ZNF366: variants seen among roughly 807,000 people sequenced by gnomAD.
ZNF366 encodes zinc finger protein 366.
ZNF366 carries 20 observed loss-of-function variants against 47.2 expected under a neutral mutation model. The observed-to-expected ratio is 0.42, with a 90% CI of 0.30 to 0.62. The LOEUF (loss-of-function observed/expected upper bound fraction) is 0.62. ZNF366 is among the 20% of genes least tolerant of loss of function. ZNF366 has a pLI of 0.16. For synonymous variants in ZNF366, 421 were observed against 395.1 expected (o/e 1.07, Z -0.78); for missense variants, 987 against 976.3 (o/e 1.01, Z -0.15).
chr5:72,449,884 T>C (rs1044933278), intron 3 of ZNF366, among the ~76,000 whole-genome samples: 2 of 152,060 alleles, frequency 1.3e-5, no homozygotes, highest in Admixed American at 6.5e-5. Context: ...GGACAAGGCA[T>C]GTAGCGGGAG....
intron 1 of ZNF366, among the ~76,000 whole-genome samples, chr5:72,462,675 T>C (rs10474066): frequency 0.39 from 59,635 of 151,002 alleles, 11,944 homozygotes; most frequent in African/African-American, 0.47. Flanking sequence ...CTCAGCCTCC[T>C]GAGTAGCTGA....
intron 1 of ZNF366, among the ~76,000 whole-genome samples, chr5:72,462,553 T>TCTTTCTTTCTTTCTTTC (rs1476213047): frequency 4.1e-5 from 6 of 146,340 alleles, no homozygotes; most frequent in Non-Finnish European, 4.5e-5. Context: ...CTTTCTTTTT[T>TCTTTCTTTCTTTCTTTC]TTTTTTTTTG....
At chr5:72,451,983 A>G (rs1215074983) in intron 3 of ZNF366, among the ~76,000 whole-genome samples, 1 of 152,212 alleles carries the variant, frequency 6.6e-6, no homozygotes, top group Non-Finnish European at 1.5e-5. Flanking sequence ...GCTGACAGCC[A>G]TGGAGAAGTC....
At chr5:72,485,415 A>C (rs1220391478) in intron 1 of ZNF366, among the ~76,000 whole-genome samples, 3 of 152,160 alleles carry the variant, frequency 2.0e-5, no homozygotes, top group Non-Finnish European at 2.9e-5. Context: ...ACCTCTTCCC[A>C]GTTCACTAAT....
intron 1 of ZNF366, among the ~76,000 whole-genome samples, chr5:72,500,500 C>T (rs902912733): frequency 6.6e-6 from 1 of 152,116 alleles, no homozygotes; most frequent in Non-Finnish European, 1.5e-5. Flanking sequence ...ATAATACCCT[C>T]GCCCTTTCTG....
In ZNF366 at chr5:72,485,369, C is replaced by T. The variant is rs989110513; in HGVS notation, c.-15+21882G>A. 2.0e-5 allele frequency among the ~76,000 whole-genome samples: 3 copies of T among 152,218 alleles called. No individual in the cohort carries two copies. The East Asian group carries it at 5.8e-4, about 29-fold the overall frequency. On this transcript the variant is annotated intron_variant, in intron 1 of 4. Coordinates refer to ENST00000318442, the MANE Select transcript of ZNF366 (RefSeq NM_152625.3). ...GGAACAAAGGAAGAACAACTGGAAT[C>T]CTGCCTGCTCTAGCTGTGTCCCTTC...
intron 1 of ZNF366, among the ~76,000 whole-genome samples, chr5:72,475,143 A>G (rs1383629937): frequency 6.6e-6 from 1 of 152,196 alleles, no homozygotes; most frequent in Admixed American, 6.5e-5. Flanking sequence ...CAGAGTTACC[A>G]TCTTTGCTCT....
In ZNF366 at chr5:72,442,111, G is replaced by A. The variant is rs1193127539; in HGVS notation, c.*1645C>T. Reference sequence around the variant, plus strand: ...ATCATCTTCTAGTATAATGTAAAAAGTGTGTATCTATATATAGACTGTGTG... The same window carrying A: ...ATCATCTTCTAGTATAATGTAAAAAATGTGTATCTATATATAGACTGTGTG... On this transcript the variant is annotated 3_prime_UTR_variant, in exon 5 of 5. Transcript: ENST00000318442. 6.6e-6 allele frequency: 1 copy of A among 152,198 alleles called. No individual in the cohort carries two copies. The highest frequency in any genetic ancestry group is 1.5e-5 in the Non-Finnish European group (1 of 68,046). The allele number at this position is 152,198 out of a possible 1,614,324, so 9.4% of individuals were successfully genotyped here. A position where few individuals can be genotyped will look rare whatever the true frequency, so the allele number is the denominator to read the frequency against.
intron 1 of ZNF366, among the ~76,000 whole-genome samples, chr5:72,476,784 C>A (rs1324124602): frequency 6.6e-6 from 1 of 152,170 alleles, no homozygotes; most frequent in Non-Finnish European, 1.5e-5. Context: ...CATCAAGACC[C>A]TGCCCAGCCA....
rs1561194488 is a variant in ZNF366, at chr5:72,461,476, C to A, written c.21G>T (p.Met7Ile). The A allele has an allele frequency of 6.4e-7, 1 of 1,567,590 alleles. No homozygotes were observed. The highest frequency in any genetic ancestry group is 8.7e-7 in the Non-Finnish European group (1 of 1,154,536). Residue 7 changes from methionine to isoleucine, a missense_variant, in exon 2 of 5, where the codon ATG becomes ATT. Met to Ile is a conservative substitution (Grantham distance 10, BLOSUM62 1). Around this residue, in one of 3 missense-constraint regions of ZNF366, gnomAD observed 591 missense variants for 560.9 expected, o/e 1.05. Coordinates refer to ENST00000318442, the MANE Select transcript of ZNF366 (RefSeq NM_152625.3). MQKEMK[M>I]IKDEDVHFDL... is the part of the protein sequence containing the mutation. ...CGAAATGCACATCCTCGTCTTTGAT[C>A]ATCTTCATTTCCTTCTGCATCCTTG... is the stretch of plus-strand genomic sequence containing the variant.
chr5:72,455,650 G>T (rs1306320254), intron 3 of ZNF366, among the ~76,000 whole-genome samples: 1 of 152,150 alleles, frequency 6.6e-6, no homozygotes, highest in Admixed American at 6.5e-5. Flanking sequence ...AGTAATGCCC[G>T]TCAGCGCCTT....
intron 1 of ZNF366, among the ~76,000 whole-genome samples, chr5:72,482,746 TTGTGTGTGTGTGTGTGTGTG>T: frequency 7.1e-6 from 1 of 141,080 alleles, no homozygotes; most frequent in African/African-American, 2.7e-5. Context: ...CATTTCTATT[TTGTGTGTGTGTGTGTGTGTG>T]TGTGTGTGTG....
chr5:72,467,049 T>C (rs553849277), intron 1 of ZNF366, among the ~76,000 whole-genome samples: 1 of 152,322 alleles, frequency 6.6e-6, no homozygotes, highest in Admixed American at 6.5e-5. Flanking sequence ...CAAGAATGGG[T>C]AGTCACCCTT....
chr5:72,491,671 G>A (rs1744012782), intron 1 of ZNF366, among the ~76,000 whole-genome samples: 3 of 152,076 alleles, frequency 2.0e-5, no homozygotes, highest in Admixed American at 2.0e-4. Flanking sequence ...TTAATAAATG[G>A]CAATTATACT....
intron 1 of ZNF366, among the ~76,000 whole-genome samples, chr5:72,466,799 G>C (rs77321475): frequency 0.013 from 2,008 of 152,326 alleles, 38 homozygotes; most frequent in African/African-American, 0.046. Flanking sequence ...GTTATGAAAA[G>C]AACTTGATAC....
intron 1 of ZNF366, among the ~76,000 whole-genome samples, chr5:72,499,148 C>T (rs2112356903): frequency 6.6e-6 from 1 of 152,288 alleles, no homozygotes; most frequent in East Asian, 1.9e-4. Context: ...CACAAACATC[C>T]CCATTTAGAT....
intron 1 of ZNF366, among the ~76,000 whole-genome samples, chr5:72,473,302 T>C (rs1743607440): frequency 6.6e-6 from 1 of 152,214 alleles, no homozygotes; most frequent in Admixed American, 6.5e-5. Flanking sequence ...GGAGCTCCTG[T>C]ACCCACTTGG....
chr5:72,443,916 T>C lies in ZNF366; in HGVS notation c.2075A>G (p.Asp692Gly), dbSNP rs781100103. 9.9e-6 allele frequency: 16 copies of C among 1,614,044 alleles called. No homozygotes were observed. In the Admixed American group the frequency reaches 2.5e-4, roughly 25 times the overall value. Residue 692 changes from aspartate (D) to glycine (G), a missense_variant, in exon 5 of 5, where the codon GAC becomes GGC. Asp to Gly is a moderately conservative substitution (Grantham distance 94, BLOSUM62 -1). This residue lies in a region of ZNF366 where 285 missense variants were observed against 234.8 expected (regional missense o/e 1.21). Transcript: ENST00000318442. ...DLGAEGGQER[D>G]CAGRDECLSL... ...GAGACACTCATCTCTGCCGGCACAG[T>C]CTCTCTCCTGGCCGCCCTCTGCCCC...
intron 1 of ZNF366, among the ~76,000 whole-genome samples, chr5:72,462,612 A>G (rs1488020380): frequency 7.0e-6 from 1 of 143,250 alleles, no homozygotes; most frequent in Non-Finnish European, 1.5e-5. Context: ...GTCCAGTGGC[A>G]CAATCTTAGC....
Sources: allele counts gnomAD v4.1 joint callset (sites outside exome capture counted in the v4.1 genomes callset), GRCh38; gene constraint gnomAD v4.1.1; regional missense constraint gnomAD v4.1.1; transcripts MANE v1.5; gene names NCBI Gene and HGNC (gene_info 2026-07-23, HGNC 2026-07-21).